E2F3: variants seen among roughly 807,000 people sequenced by gnomAD.
The protein encoded by E2F3 is transcription factor E2F3.
E2F3 carries 11 observed loss-of-function variants against 44.4 expected under a neutral mutation model. That is an observed-to-expected ratio of 0.25 (90% confidence interval 0.16 to 0.41). E2F3 has a LOEUF of 0.41. Ranked by LOEUF, E2F3 falls within the 10% of genes least tolerant of loss-of-function variation. The probability of loss-of-function intolerance (pLI) is 1.00; values close to 1 mark genes in which losing one functional copy is unlikely to be tolerated. For synonymous variants in E2F3, 249 were observed against 253.0 expected (o/e 0.98, Z 0.15); for missense variants, 487 against 583.6 (o/e 0.83, Z 1.70).
At chr6:20,444,727 G>GA (rs1044395229) in intron 1 of E2F3, among the ~76,000 whole-genome samples, 2 of 151,550 alleles carry the variant, frequency 1.3e-5, no homozygotes, top group African/African-American at 4.9e-5. Context: ...AAAACCAGAC[G>GA]AAAAAAACAC....
chr6:20,468,863 G>A (rs1157874354), intron 1 of E2F3, among the ~76,000 whole-genome samples: 1 of 152,178 alleles, frequency 6.6e-6, no homozygotes, highest in Admixed American at 6.5e-5. Context: ...TCAGGTGCTG[G>A]GCACTCAAAT....
Position 20,492,063 on chromosome 6 carries a change from A to G in E2F3, c.*1633A>G, listed in dbSNP as rs917690216. On this transcript the variant is annotated 3_prime_UTR_variant, in exon 7 of 7. Coordinates refer to ENST00000346618, the MANE Select transcript of E2F3 (RefSeq NM_001949.5). The stretch of plus-strand genomic sequence containing the variant: ...AACAAACCTCGAAACGAACAGTTAA[A>G]TTGAAATGCTATGTGCCTGACCCAA... 1.5e-5 allele frequency: 3 copies of G among 202,446 alleles called. No individual in the cohort carries two copies. Among genetic ancestry groups the G allele is most frequent in the African/African-American group, 6.9e-5 (3 of 43,572 alleles). 12.5% of individuals were successfully genotyped at this position (202,446 alleles called of 1,614,324 possible).
intron 6 of E2F3, among the ~76,000 whole-genome samples, chr6:20,488,693 G>C (rs1163051595): frequency 1.3e-5 from 2 of 152,098 alleles, no homozygotes; most frequent in Non-Finnish European, 2.9e-5. Flanking sequence ...TATGGGAGGA[G>C]AACGCTAGGA....
chr6:20,423,831 T>A (rs910338280), intron 1 of E2F3, among the ~76,000 whole-genome samples: 1 of 147,466 alleles, frequency 6.8e-6, no homozygotes, highest in African/African-American at 2.5e-5. Context: ...TGCAATGGCC[T>A]GATCTTGGCT....
rs141325311 is a variant in E2F3, at chr6:20,470,115, C to T, written c.394-9731C>T. Among the ~76,000 whole-genome samples, 944 of 152,298 alleles carry T rather than the reference C, an allele frequency of 6.2e-3. 8 individuals are homozygous for T. Among genetic ancestry groups the T allele is most frequent in the African/African-American group, 0.022 (896 of 41,548 alleles). On this transcript the variant is annotated intron_variant, in intron 1 of 6. Coordinates refer to ENST00000346618, the MANE Select transcript of E2F3 (RefSeq NM_001949.5). ...TCTTATTTGGACAGCCCATTCAACTCCTCTGACTTCACTCCCTTATCTGCA... is the reference window on the plus strand; with the variant it reads ...TCTTATTTGGACAGCCCATTCAACTTCTCTGACTTCACTCCCTTATCTGCA...
At chr6:20,417,182 C>T (rs1176742886) in intron 1 of E2F3, among the ~76,000 whole-genome samples, 1 of 152,140 alleles carries the variant, frequency 6.6e-6, no homozygotes, top group Non-Finnish European at 1.5e-5. Context: ...GAAATGGTAG[C>T]TCTCCTTTGT....
intron 1 of E2F3, among the ~76,000 whole-genome samples, chr6:20,408,132 GT>G (rs1289097083): frequency 6.6e-6 from 1 of 152,164 alleles, no homozygotes; most frequent in African/African-American, 2.4e-5. Flanking sequence ...ACTAATCATT[GT>G]TCATGGGACT....
At chr6:20,456,767 A>T (rs1383142915) in intron 1 of E2F3, among the ~76,000 whole-genome samples, 1 of 152,244 alleles carries the variant, frequency 6.6e-6, no homozygotes, top group East Asian at 1.9e-4. Flanking sequence ...TGTAGAGATT[A>T]TGAAGGTTTG....
chr6:20,464,877 G>A (rs892137688), intron 1 of E2F3, among the ~76,000 whole-genome samples: 5 of 152,210 alleles, frequency 3.3e-5, no homozygotes, highest in East Asian at 1.9e-4. Context: ...GGTTTCGGTC[G>A]TACAATTCAG....
At chr6:20,444,048 CA>C (rs1011646892) in intron 1 of E2F3, among the ~76,000 whole-genome samples, 10 of 150,894 alleles carry the variant, frequency 6.6e-5, no homozygotes, top group African/African-American at 1.9e-4. Context: ...CAGGTCTCTA[CA>C]AAAAAAAATT....
Position 20,490,608 on chromosome 6 carries a change from A to C in E2F3, c.*178A>C. On this transcript the variant is annotated 3_prime_UTR_variant, in exon 7 of 7. Coordinates refer to ENST00000346618, the MANE Select transcript of E2F3 (RefSeq NM_001949.5). This position sits in a 1 kb window ranked among gnomAD's most constrained non-coding sequence, Gnocchi z 4.3. ...GAATTTTTTAAAAAATTAATAAACA[A>C]ATTGTCTAAACGCACAGTTGCAGGC... The C allele has an allele frequency of 1.6e-6, 1 of 638,440 alleles. No homozygotes were observed. The highest frequency in any genetic ancestry group is 4.2e-5 in the South Asian group (1 of 23,836). The allele number at this position is 638,440 out of a possible 1,614,324, so 39.5% of individuals were successfully genotyped here.
At chr6:20,431,388 C>T (rs1011665405) in intron 1 of E2F3, among the ~76,000 whole-genome samples, 1 of 152,216 alleles carries the variant, frequency 6.6e-6, no homozygotes, top group African/African-American at 2.4e-5. Context: ...TCCCATGGCC[C>T]AGTGTCCCGT....
Position 20,481,291 on chromosome 6 carries a change from A to G in E2F3, c.591A>G (p.Ser197=). 1.9e-6 allele frequency: 3 copies of G among 1,614,084 alleles called. No individual in the cohort carries two copies. The highest frequency in any genetic ancestry group is 8.5e-7 in the Non-Finnish European group (1 of 1,180,018). ...AGTTCATTCAGCTCCTGAGCCAGTC[A>G]CCCGATGGGGTATTGGATTTGAACA... ...TKKFIQLLSQ[S]PDGVLDLNKA... Residue 197 remains serine (S), a synonymous_variant, in exon 3 of 7, where the codon TCA becomes TCG. Coordinates refer to ENST00000346618, the MANE Select transcript of E2F3 (RefSeq NM_001949.5).
intron 1 of E2F3, among the ~76,000 whole-genome samples, chr6:20,429,337 A>G (rs937003139): frequency 6.6e-6 from 1 of 152,192 alleles, no homozygotes; most frequent in Non-Finnish European, 1.5e-5. Flanking sequence ...AAATTCCAGA[A>G]ATAAACAATT....
In E2F3 at chr6:20,482,901, G is replaced by C. The variant is rs760918104; in HGVS notation, c.865G>C (p.Glu289Gln). 1 of 1,613,702 alleles carries C rather than the reference G, an allele frequency of 6.2e-7. No homozygotes were observed. Among genetic ancestry groups the C allele is most frequent in the East Asian group, 2.2e-5 (1 of 44,852 alleles). ...CACCCTGGACCTCAAACTGTTAACCGAGGATTCAGAGAATCAAAGATATCC... is the reference window on the plus strand; with the variant it reads ...CACCCTGGACCTCAAACTGTTAACCCAGGATTCAGAGAATCAAAGATATCC... ...SCTLDLKLLT[E>Q]DSENQRLAYV... The change falls in exon 4 of 7, where the codon GAG becomes CAG. Residue 289 changes from glutamate (E) to glutamine (Q), a missense_variant. This residue lies in a region of E2F3 where 220 missense variants were observed against 261.7 expected (regional missense o/e 0.84). Coordinates refer to ENST00000346618, the MANE Select transcript of E2F3 (RefSeq NM_001949.5).
intron 1 of E2F3, among the ~76,000 whole-genome samples, chr6:20,477,679 G>C (rs1271479570): frequency 6.6e-6 from 1 of 151,986 alleles, no homozygotes; most frequent in Non-Finnish European, 1.5e-5. Context: ...CTTGGTCCAG[G>C]GTTCAAAGTG....
At chr6:20,474,891 G>T (rs188318700) in intron 1 of E2F3, among the ~76,000 whole-genome samples, 14 of 152,284 alleles carry the variant, frequency 9.2e-5, no homozygotes, top group Non-Finnish European at 1.8e-4. Flanking sequence ...AACAGGGGAG[G>T]AAAAATAACA....
chr6:20,478,898 T>C (rs1762131021), intron 1 of E2F3, among the ~76,000 whole-genome samples: 1 of 152,182 alleles, frequency 6.6e-6, no homozygotes, highest in South Asian at 2.1e-4. Context: ...GTCCAGTTGG[T>C]GCCATTTATT....
chr6:20,404,424 G>A (rs1454191049), intron 1 of E2F3, among the ~76,000 whole-genome samples: 6 of 152,172 alleles, frequency 3.9e-5, no homozygotes, highest in Admixed American at 1.3e-4. Context: ...TGGCCTCCAC[G>A]GGGCTAGAAC....
Sources: allele counts gnomAD v4.1 joint callset (sites outside exome capture counted in the v4.1 genomes callset), GRCh38; gene constraint gnomAD v4.1.1; regional missense constraint gnomAD v4.1.1; non-coding constraint Gnocchi (gnomAD v3.1); transcripts MANE v1.5; gene names NCBI Gene and HGNC (gene_info 2026-07-23, HGNC 2026-07-21).